HEMK1: variants seen among roughly 807,000 people sequenced by gnomAD.
The protein encoded by HEMK1 is MTRF1L release factor glutamine methyltransferase.
A neutral mutation model predicts 47.9 loss-of-function variants in HEMK1; 36 were observed. The ratio of observed to expected loss-of-function variants is 0.75; its 90% CI spans 0.58 to 0.99. The LOEUF is 0.99. Ranked by LOEUF, HEMK1 falls within the 50% of genes least tolerant of loss-of-function variation. The pLI, the probability that HEMK1 is intolerant of heterozygous loss-of-function variation, is 0.00. For synonymous variants in HEMK1, 153 were observed against 165.4 expected (o/e 0.93, Z 0.57); for missense variants, 383 against 434.5 (o/e 0.88, Z 1.05).
chr3:50,572,321 T>A, intron 4 of HEMK1, 113 bp downstream of exon 4: 1 of 1,084,192 alleles, frequency 9.2e-7, no homozygotes, highest in Non-Finnish European at 1.3e-6. Context: ...TCAGGGACAG[T>A]GCCTTTCTAG....
At chr3:50,577,240 C>A in intron 5 of HEMK1, 54 bp downstream of exon 5, 5 of 1,559,432 alleles carry the variant, frequency 3.2e-6, no homozygotes, top group Non-Finnish European at 4.4e-6. Context: ...ACTGTCCCTC[C>A]CATTAGTGCT....
intron 9 of HEMK1, 78 bp downstream of exon 9, chr3:50,580,017 A>G (rs924950073): frequency 6.6e-7 from 1 of 1,523,838 alleles, no homozygotes; most frequent in African/African-American, 1.4e-5. Flanking sequence ...AGGCCCTGGC[A>G]GAGGTCAGCA....
chr3:50,580,029 A>G, intron 9 of HEMK1, 87 bp from the exon 10 acceptor site: 2 of 1,522,222 alleles, frequency 1.3e-6, no homozygotes, highest in South Asian at 1.1e-5. Context: ...AGGTCAGCAC[A>G]GGACCCTCAC....
chr3:50,590,783 G>A lies in HEMK1; in HGVS notation c.*10366G>A, dbSNP rs2031682366. The A allele has an allele frequency of 6.6e-6, 1 of 152,196 alleles. No individual in the cohort carries two copies. Among genetic ancestry groups the A allele is most frequent in the African/African-American group, 2.4e-5 (1 of 41,418 alleles). 9.4% of individuals were successfully genotyped at this position (152,196 alleles called of 1,614,324 possible). A position where few individuals can be genotyped will look rare whatever the true frequency, so the allele number is the denominator to read the frequency against. On this transcript the variant is annotated 3_prime_UTR_variant, in exon 11 of 11. Coordinates refer to ENST00000232854, the MANE Select transcript of HEMK1 (RefSeq NM_016173.5). ...CTTGGGAGCCCCACCAGGCTCCAGT[G>A]TGGTTGCCCCAAGTACTCCATGAGT... is the stretch of plus-strand genomic sequence containing the variant.
chr3:50,577,178 C>A lies in HEMK1; in HGVS notation c.541C>A (p.Leu181Ile), dbSNP rs1165818360. The change falls in exon 5 of 11, where the codon CTC (leucine) becomes ATC (isoleucine). Residue 181 changes from leucine (L) to isoleucine (I), a missense_variant. Physicochemically the swap from Leu to Ile is conservative, Grantham distance 5. Transcript: ENST00000232854. The part of the protein sequence containing the change: ...GAISLSLLSQ[L>I]PQSRVIAVDK... ...CATCTCCCTCAGCCTGCTGAGCCAG[C>A]TCCCCCAGGTGAGCCCCTCCACCCA... 2 of 1,609,970 alleles carry A rather than the reference C, an allele frequency of 1.2e-6. No individual in the cohort carries two copies. The highest frequency in any genetic ancestry group is 3.4e-5 in the Admixed American group (2 of 59,046).
In HEMK1 at chr3:50,594,618, A is replaced by T. The variant is rs1033714019; in HGVS notation, c.*14201A>T. On this transcript the variant is annotated 3_prime_UTR_variant, in exon 11 of 11. Transcript: ENST00000232854. Reference sequence around the variant, plus strand: ...TGAGGTTTTCTCTGCTGCAGAGGCCAGGTGGGTAAGTAACCAAAAGTGCCT... The same window carrying T: ...TGAGGTTTTCTCTGCTGCAGAGGCCTGGTGGGTAAGTAACCAAAAGTGCCT... 2 of 152,342 alleles carry T rather than the reference A, an allele frequency of 1.3e-5. No individual in the cohort carries two copies. Among genetic ancestry groups the T allele is most frequent in the African/African-American group, 4.8e-5 (2 of 41,468 alleles). 9.4% of individuals were successfully genotyped at this position (152,342 alleles called of 1,614,324 possible).
At chr3:50,579,134 A>T (rs776800482) in intron 8 of HEMK1, among the ~76,000 whole-genome samples, 19 of 152,216 alleles carry the variant, frequency 1.2e-4, no homozygotes, top group Non-Finnish European at 2.2e-4. Context: ...ACTACTGGAC[A>T]GCCACCGAAC....
rs1238903403 is a variant in HEMK1 at position 50,578,844 on chromosome 3, T to A, written c.688T>A (p.Trp230Arg). ...TSERSWTHLP[W>R]GPMDLIVSNP... is the part of the protein sequence containing the mutation. ...AGAAAGGAGCTGGACACACCTGCCC[T>A]GGGGCCCCATGGACCTGATTGTCAG... Residue 230 changes from tryptophan (W) to arginine (R), a missense_variant, in exon 8 of 11, where the codon TGG (tryptophan) becomes AGG (arginine). By Grantham distance (101) the Trp-to-Arg change is moderately radical. Coordinates refer to ENST00000232854, the MANE Select transcript of HEMK1 (RefSeq NM_016173.5). The A allele has an allele frequency of 6.2e-7, 1 of 1,613,238 alleles. No homozygotes were observed. Among genetic ancestry groups the A allele is most frequent in the African/African-American group, 1.3e-5 (1 of 75,038 alleles).
rs780132816 is a variant in HEMK1 at position 50,595,218 on chromosome 3, T to TTAGTCTATCA, written c.*14814_*14823dup. On this transcript the variant is annotated 3_prime_UTR_variant, in exon 11 of 11. Transcript: ENST00000232854. ...CTTATCCGACTTTGAAGCAAACAAGTTAGTCTATCATAGTCTATCATATTC... is the reference window on the plus strand; with the variant it reads ...CTTATCCGACTTTGAAGCAAACAAGTTAGTCTATCATAGTCTATCATAGTCTATCATATTC... 6.6e-6 allele frequency: 1 copy of TTAGTCTATCA among 152,240 alleles called. No individual in the cohort carries two copies. The highest frequency in any genetic ancestry group is 1.5e-5 in the Non-Finnish European group (1 of 68,068). 9.4% of individuals were successfully genotyped at this position (152,240 alleles called of 1,614,324 possible). A position where few individuals can be genotyped will look rare whatever the true frequency, so the allele number is the denominator to read the frequency against.
Position 50,580,812 on chromosome 3 carries a change from A to G in HEMK1, c.*395A>G. On this transcript the variant is annotated 3_prime_UTR_variant, in exon 11 of 11. Coordinates refer to ENST00000232854, the MANE Select transcript of HEMK1 (RefSeq NM_016173.5). ...CTGCTTGGTAGTGGTGTGGGGGTGC[A>G]GTGTGGAGGAAGGCACGTGAGTCCT... The G allele has an allele frequency of 3.5e-6, 1 of 287,298 alleles. No homozygotes were observed. The highest frequency in any genetic ancestry group is 3.9e-5 in the South Asian group (1 of 25,830). 17.8% of individuals were successfully genotyped at this position (287,298 alleles called of 1,614,324 possible).
rs2031087141 is a variant in HEMK1 at position 50,583,770 on chromosome 3, T to A, written c.*3353T>A. ...GTGCAAACAATCCACTTCTTCAAGC[T>A]CCAACACAAATGCTGCCTCCTTTAG... On this transcript the variant is annotated 3_prime_UTR_variant, in exon 11 of 11. Coordinates refer to ENST00000232854, the MANE Select transcript of HEMK1 (RefSeq NM_016173.5). The A allele has an allele frequency of 6.6e-6, 1 of 152,478 alleles. No homozygotes were observed. Among genetic ancestry groups the A allele is most frequent in the Non-Finnish European group, 1.5e-5 (1 of 68,238 alleles). 9.4% of individuals were successfully genotyped at this position (152,478 alleles called of 1,614,324 possible).
Position 50,580,574 on chromosome 3 carries a change from G to C in HEMK1, c.*157G>C. ...GGATATTTCTAGGACACCTGGATTG[G>C]CTCCATCACATCAGAGTGGCTGAGG... On this transcript the variant is annotated 3_prime_UTR_variant, in exon 11 of 11. Transcript: ENST00000232854. 1.3e-6 allele frequency: 1 copy of C among 756,356 alleles called. No homozygotes were observed. The highest frequency in any genetic ancestry group is 1.8e-5 in the South Asian group (1 of 56,000). 46.9% of individuals were successfully genotyped at this position (756,356 alleles called of 1,614,324 possible).
chr3:50,574,473 C>T (rs186239000), intron 4 of HEMK1, among the ~76,000 whole-genome samples: 111 of 152,294 alleles, frequency 7.3e-4, no homozygotes, highest in African/African-American at 2.2e-3. Flanking sequence ...CATCCACATA[C>T]GTGGTGTGTG....
rs1286778159 is a variant in HEMK1 at position 50,592,145 on chromosome 3, G to A, written c.*11728G>A. 6.6e-6 allele frequency: 1 copy of A among 152,038 alleles called. No individual in the cohort carries two copies. The highest frequency in any genetic ancestry group is 1.5e-5 in the Non-Finnish European group (1 of 68,050). The allele number at this position is 152,038 out of a possible 1,614,324, so 9.4% of individuals were successfully genotyped here. A position where few individuals can be genotyped will look rare whatever the true frequency, so the allele number is the denominator to read the frequency against. On this transcript the variant is annotated 3_prime_UTR_variant, in exon 11 of 11. Transcript: ENST00000232854. The stretch of plus-strand genomic sequence containing the variant: ...AGAAAAGAGAGCCAAAGCTCAGAGA[G>A]GGCCCATGACTTGCCCAGTGTCACA...
intron 2 of HEMK1, 97 bp downstream of exon 2, chr3:50,571,429 A>G: frequency 1.1e-6 from 1 of 924,328 alleles, no homozygotes. Context: ...TGCTTAGCTG[A>G]GACTGATGGG....
At chr3:50,577,300 G>A in intron 5 of HEMK1, 114 bp downstream of exon 5, 2 of 1,296,162 alleles carry the variant, frequency 1.5e-6, no homozygotes, top group Non-Finnish European at 1.1e-6. Flanking sequence ...AGCTGGATGA[G>A]GGAGGACAGG....
In HEMK1 at chr3:50,581,294, T is replaced by G. The variant is rs535105949; in HGVS notation, c.*877T>G. 1.3e-5 allele frequency: 2 copies of G among 152,344 alleles called. No homozygotes were observed. Among genetic ancestry groups the G allele is most frequent in the East Asian group, 3.9e-4 (2 of 5,178 alleles). The allele number at this position is 152,344 out of a possible 1,614,324, so 9.4% of individuals were successfully genotyped here. On this transcript the variant is annotated 3_prime_UTR_variant, in exon 11 of 11. Coordinates refer to ENST00000232854, the MANE Select transcript of HEMK1 (RefSeq NM_016173.5). ...AGGAGGCCTGCAGATCCAGCCTTCC[T>G]GTCAACAGCGACAGGAAATCTCTAG... is the stretch of plus-strand genomic sequence containing the variant.
At chr3:50,576,598 C>T (rs545110197) in intron 4 of HEMK1, among the ~76,000 whole-genome samples, 11 of 152,260 alleles carry the variant, frequency 7.2e-5, no homozygotes, top group South Asian at 6.2e-4. Context: ...TTAGCAGAGA[C>T]GGGGTTTCAC....
chr3:50,577,013 G>C (rs779392917), intron 4 of HEMK1, 39 bp from the exon 5 acceptor site: 1 of 1,611,768 alleles, frequency 6.2e-7, no homozygotes, highest in Admixed American at 1.7e-5. Context: ...CAGGAGCCAC[G>C]TTGGCACCGA....
Sources: allele counts gnomAD v4.1 joint callset (sites outside exome capture counted in the v4.1 genomes callset), GRCh38; gene constraint gnomAD v4.1.1; transcripts MANE v1.5; gene names NCBI Gene and HGNC (gene_info 2026-07-23, HGNC 2026-07-21).